The following FSIP2 variants were observed in gnomAD, a reference collection of about 807,000 sequenced individuals.
FSIP2 encodes fibrous sheath interacting protein 2, also known as fibrous sheath-interacting protein 2.
Under a neutral mutation model 510.5 loss-of-function variants are expected in FSIP2, and 367 were observed. The observed-to-expected ratio is 0.72, with a 90% CI of 0.66 to 0.78. The LOEUF (loss-of-function observed/expected upper bound fraction) is 0.78, where lower values mean the gene tolerates loss of function less well. Ranked by LOEUF, FSIP2 falls within the 30% of genes least tolerant of loss-of-function variation. FSIP2 has a pLI of 0.00. For synonymous variants in FSIP2, 2,601 were observed against 2,732.2 expected, an observed-to-expected ratio of 0.95 and a Z score of 1.50; for missense variants, 7,594 against 7,901.7, an observed-to-expected ratio of 0.96 and a Z score of 1.48.
chr2:185,831,916 T>C, intron 22 of FSIP2, 34 bp downstream of exon 22: 1 of 1,271,584 alleles, frequency 7.9e-7, no homozygotes, highest in Non-Finnish European at 1.1e-6. Flanking sequence ...ACTGGTGTAA[T>C]TAAACTGTCA....
rs1692054506 is a variant in FSIP2 at position 185,747,380 on chromosome 2, T to C, written c.827T>C (p.Ile276Thr). ...GAAGATGTTAAAAGAGAAGAGAGGA[T>C]AGAAGAACAACAGCATAGAAACAGA... ...MAEDVKREER[I>T]EEQQHRNREE... is the part of the protein sequence containing the mutation. Residue 276 changes from isoleucine to threonine, a missense_variant, in exon 7 of 23, where the codon ATA (isoleucine) becomes ACA (threonine). Transcript: ENST00000424728. 2.0e-6 allele frequency: 3 copies of C among 1,532,198 alleles called. No homozygotes were observed. Among genetic ancestry groups the C allele is most frequent in the Non-Finnish European group, 2.6e-6 (3 of 1,143,392 alleles). The allele number at this position is 1,532,198 out of a possible 1,614,324, so 94.9% of individuals were successfully genotyped here. A position where few individuals can be genotyped will look rare whatever the true frequency, so the allele number is the denominator to read the frequency against.
intron 19 of FSIP2, among the ~76,000 whole-genome samples, chr2:185,817,539 G>GA (rs974205763): frequency 1.7e-4 from 26 of 151,912 alleles, no homozygotes; most frequent in Non-Finnish European, 3.2e-4. Flanking sequence ...GAAAAGATCT[G>GA]AAAAAAACCT....
intron 9 of FSIP2, among the ~76,000 whole-genome samples, chr2:185,760,329 T>A (rs545881032): frequency 3.4e-4 from 51 of 150,362 alleles, no homozygotes; most frequent in African/African-American, 1.2e-3. Context: ...GAAAAACTGG[T>A]TTGGCTTTTT....
At chr2:185,786,707 G>A (rs1279625400) in intron 15 of FSIP2, among the ~76,000 whole-genome samples, 1 of 151,806 alleles carries the variant, frequency 6.6e-6, no homozygotes, top group East Asian at 1.9e-4. Flanking sequence ...AAGGGACCTG[G>A]TCACCTATGA....
intron 17 of FSIP2, among the ~76,000 whole-genome samples, chr2:185,811,989 C>A (rs553243219): frequency 6.6e-6 from 1 of 152,082 alleles, no homozygotes; most frequent in Non-Finnish European, 1.5e-5. Flanking sequence ...GAACTTCTAC[C>A]GGTAAATACA....
At position 185,805,844 on chromosome 2, in the gene FSIP2, G is replaced by A. The variant is rs1349193974; in HGVS notation, c.16538G>A (p.Gly5513Asp). The stretch of plus-strand genomic sequence containing the variant: ...AACCTAACATCAGGGTTGGCTACAG[G>A]TGTGACAAATAAAAAGGAAGTGGAT... ...MINLTSGLAT[G>D]VTNKKEVDEN... The change falls in exon 17 of 23, where the codon GGT (glycine) becomes GAT (aspartate). Residue 5513 changes from glycine (G) to aspartate (D), a missense_variant. Gly to Asp is a moderately conservative substitution (Grantham distance 94). Coordinates refer to ENST00000424728, the MANE Select transcript of FSIP2 (RefSeq NM_173651.4). The A allele has an allele frequency of 8.1e-6, 13 of 1,608,966 alleles. No homozygotes were observed. The highest frequency in any genetic ancestry group is 1.1e-5 in the Non-Finnish European group (13 of 1,177,832).
rs896445508 is a variant in FSIP2 at position 185,770,794 on chromosome 2, A to T, written c.1411+6229A>T. Among the ~76,000 whole-genome samples, 120 of 152,180 alleles carry T rather than the reference A, an allele frequency of 7.9e-4. 1 individual carries two copies. The highest frequency in any genetic ancestry group is 2.9e-4 in the Non-Finnish European group (20 of 68,030). ...CAGCATTAATTCAATAAAAAGTCCAAGGTCCAAAATTTAATTTGAGACTTA... is the reference window on the plus strand; with the variant it reads ...CAGCATTAATTCAATAAAAAGTCCATGGTCCAAAATTTAATTTGAGACTTA... On this transcript the variant is annotated intron_variant, in intron 13 of 22. Transcript: ENST00000424728.
intron 21 of FSIP2, among the ~76,000 whole-genome samples, chr2:185,831,018 A>G (rs1694098556): frequency 6.6e-6 from 1 of 151,910 alleles, no homozygotes; most frequent in Admixed American, 6.6e-5. Flanking sequence ...AGCTTAATAC[A>G]TGAGCACCCT....
Position 185,803,537 on chromosome 2 carries a change from A to T in FSIP2, c.14231A>T (p.His4744Leu). The T allele has an allele frequency of 2.0e-6, 3 of 1,533,188 alleles. No homozygotes were observed. The highest frequency in any genetic ancestry group is 2.6e-6 in the Non-Finnish European group (3 of 1,144,978). 95.0% of individuals were successfully genotyped at this position (1,533,188 alleles called of 1,614,324 possible). The change falls in exon 17 of 23, where the codon CAT (histidine) becomes CTT (leucine). Residue 4744 changes from histidine to leucine, a missense_variant. By Grantham distance (99) the His-to-Leu change is moderately conservative. Transcript: ENST00000424728. ...ILAEIFDFQIHPDLIANLPFK... is the reference protein window; with the variant it reads ...ILAEIFDFQILPDLIANLPFK... ...GCTGAAATTTTTGATTTCCAAATTC[A>T]TCCAGATCTTATAGCAAATCTGCCT...
chr2:185,819,640 A>C lies in FSIP2; in HGVS notation c.20426+4169A>C, dbSNP rs114516534. Among the ~76,000 whole-genome samples, 736 of 151,850 alleles carry C rather than the reference A, an allele frequency of 4.8e-3. 11 individuals are homozygous for C. Among genetic ancestry groups the C allele is most frequent in the African/African-American group, 0.017 (693 of 41,408 alleles). On this transcript the variant is annotated intron_variant, in intron 19 of 22. Transcript: ENST00000424728. ...GCAGCTTAATGAAAATTTGACTTAC[A>C]ATTTTTTTAACTTTATGACAGTGTG... is the stretch of plus-strand genomic sequence containing the variant.
chr2:185,823,457 T>C (rs1001988431), intron 19 of FSIP2, among the ~76,000 whole-genome samples: 2 of 151,512 alleles, frequency 1.3e-5, no homozygotes, highest in Non-Finnish European at 3.0e-5. Context: ...ATAAAATGAT[T>C]TTCAATCATT....
intron 9 of FSIP2, among the ~76,000 whole-genome samples, chr2:185,756,776 C>A (rs1270200575): frequency 6.6e-6 from 1 of 151,316 alleles, no homozygotes; most frequent in Non-Finnish European, 1.5e-5. Flanking sequence ...AAAAATATTA[C>A]CAGAGTATGA....
At chr2:185,757,517 A>G (rs1466922837) in intron 9 of FSIP2, among the ~76,000 whole-genome samples, 1 of 151,404 alleles carries the variant, frequency 6.6e-6, no homozygotes, top group Non-Finnish European at 1.5e-5. Flanking sequence ...AATTTTAAAA[A>G]TACACAGTAG....
chr2:185,793,575 G>C lies in FSIP2; in HGVS notation c.6439G>C (p.Val2147Leu). 3.3e-6 allele frequency: 5 copies of C among 1,534,274 alleles called. No individual in the cohort carries two copies. Among genetic ancestry groups the C allele is most frequent in the Non-Finnish European group, 3.5e-6 (4 of 1,145,662 alleles). The stretch of plus-strand genomic sequence containing the variant: ...AAATAAGATTATTCCTAAGCTTTCA[G>C]TTCCTAAATCAGATGTCATTTTGAT... ...GANKIIPKLS[V>L]PKSDVILISN... The change falls in exon 16 of 23, where the codon GTT becomes CTT. Residue 2147 changes from valine to leucine, a missense_variant. Physicochemically the swap from Val to Leu is conservative, Grantham distance 32. Coordinates refer to ENST00000424728, the MANE Select transcript of FSIP2 (RefSeq NM_173651.4).
rs1173980070 is a variant in FSIP2 at position 185,790,748 on chromosome 2, T to C, written c.3612T>C (p.Asn1204=). The change falls in exon 16 of 23, where the codon AAT becomes AAC. Residue 1204 remains asparagine, a synonymous_variant. Transcript: ENST00000424728. ...SSSVHQISLH[N]SDTEHIVKEA... is the part of the protein sequence containing the mutation. ...CAGTTCATCAGATTTCCTTACATAA[T>C]TCTGACACTGAACACATAGTCAAAG... 6.5e-7 allele frequency: 1 copy of C among 1,532,558 alleles called. No individual in the cohort carries two copies. Among genetic ancestry groups the C allele is most frequent in the East Asian group, 2.4e-5 (1 of 40,830 alleles). The allele number at this position is 1,532,558 out of a possible 1,614,324, so 94.9% of individuals were successfully genotyped here.
rs920401731 is a variant in FSIP2 at position 185,832,256 on chromosome 2, T to C, written c.20587+374T>C. On this transcript the variant is annotated intron_variant, in intron 22 of 22. Transcript: ENST00000424728. ...ATCCCAATCTCATGCAACATCATCA[T>C]TGTCTACACACACAAATAGTTATAT... is the stretch of plus-strand genomic sequence containing the variant. 9.9e-5 allele frequency among the ~76,000 whole-genome samples: 15 copies of C among 152,002 alleles called. No individual in the cohort carries two copies. In the East Asian group the frequency reaches 2.9e-3, roughly 30 times the overall value.
intron 2 of FSIP2, 48 bp downstream of exon 2, chr2:185,739,519 C>T: frequency 5.0e-6 from 7 of 1,396,236 alleles, no homozygotes; most frequent in Non-Finnish European, 6.5e-6. Flanking sequence ...TTACTACTTG[C>T]TGTTTAACTC....
At position 185,806,042 on chromosome 2, in the gene FSIP2, A is replaced by G. The variant is rs763214351; in HGVS notation, c.16736A>G (p.Asp5579Gly). 2 of 1,551,748 alleles carry G rather than the reference A, an allele frequency of 1.3e-6. No homozygotes were observed. Among genetic ancestry groups the G allele is most frequent in the Admixed American group, 2.0e-5 (1 of 50,682 alleles). The change falls in exon 17 of 23, where the codon GAT becomes GGT. Residue 5579 changes from aspartate to glycine, a missense_variant. Asp to Gly is a moderately conservative substitution (Grantham distance 94, BLOSUM62 -1). Coordinates refer to ENST00000424728, the MANE Select transcript of FSIP2 (RefSeq NM_173651.4). ...NLIPTDKKGKDDEIYTHFSLI... is the reference protein window; with the variant it reads ...NLIPTDKKGKGDEIYTHFSLI... ...ATTCCAACAGATAAAAAAGGGAAAG[A>G]TGATGAGATATACACACATTTTTCA...
At chr2:185,786,549 T>A (rs1377998242) in intron 15 of FSIP2, among the ~76,000 whole-genome samples, 1 of 151,876 alleles carries the variant, frequency 6.6e-6, no homozygotes, top group Non-Finnish European at 1.5e-5. Flanking sequence ...TATTAACGGA[T>A]CTATAACCAT....
Sources: allele counts gnomAD v4.1 joint callset (sites outside exome capture counted in the v4.1 genomes callset), GRCh38; gene constraint gnomAD v4.1.1; transcripts MANE v1.5; gene names NCBI Gene and HGNC (gene_info 2026-07-23, HGNC 2026-07-21).